The following STAG1 variants were observed in gnomAD, a reference collection of about 807,000 sequenced individuals.
STAG1 encodes the protein STAG1 cohesin complex component.
In STAG1, 26 loss-of-function variants were observed where a neutral mutation model predicts 170.9. The observed-to-expected ratio is 0.15, with a 90% CI of 0.11 to 0.21. STAG1 has a LOEUF of 0.21. STAG1 is among the 10% of genes least tolerant of loss of function. The probability of loss-of-function intolerance (pLI) is 1.00; values close to 1 mark genes in which losing one functional copy is unlikely to be tolerated. For synonymous variants in STAG1, 514 were observed against 497.7 expected (o/e 1.03, Z -0.44); for missense variants, 964 against 1,509.5 (o/e 0.64, Z 5.99).
rs529935345 is a variant in STAG1, at chr3:136,523,426, T to C, written c.472-2009A>G. On this transcript the variant is annotated intron_variant, in intron 6 of 33. Transcript: ENST00000383202. ...CTTGTTGATGGGGTTGTTTTCTTTC[T>C]TGTAAATTTGTTTGAATTCTTTGTA... 9.8e-5 allele frequency among the ~76,000 whole-genome samples: 15 copies of C among 152,326 alleles called. No individual in the cohort carries two copies. The East Asian group carries it at 1.5e-3, about 16-fold the overall frequency.
rs767401141 is a variant in STAG1, at chr3:136,418,360, C to CAA, written c.2109-390_2109-389dup. ...GGGTAACTGAGCAAGACTCTGTCTC[C>CAA]AAAAAAAAAAAAAAAAAAAAAAAAA... is the stretch of plus-strand genomic sequence containing the variant. On this transcript the variant is annotated intron_variant, in intron 20 of 33. Coordinates refer to ENST00000383202, the MANE Select transcript of STAG1 (RefSeq NM_005862.3). 1.2e-3 allele frequency among the ~76,000 whole-genome samples: 60 copies of CAA among 49,762 alleles called. 5 individuals carry two copies. Among genetic ancestry groups the CAA allele is most frequent in the East Asian group, 4.5e-3 (3 of 666 alleles). The allele number at this position is 49,762 out of a possible 152,430, so 32.6% of individuals were successfully genotyped here.
intron 9 of STAG1, among the ~76,000 whole-genome samples, 199 bp from the exon 10 acceptor site, chr3:136,477,611 C>G (rs944214257): frequency 1.3e-5 from 2 of 151,950 alleles, no homozygotes; most frequent in African/African-American, 2.4e-5. Context: ...AAAAAAAAAG[C>G]TTCTATTAAA....
intron 1 of STAG1, among the ~76,000 whole-genome samples, chr3:136,633,410 C>T (rs189262250): frequency 2.0e-5 from 3 of 152,106 alleles, no homozygotes; most frequent in Admixed American, 2.0e-4. Flanking sequence ...ACAAGAAATG[C>T]TAAAGGGAGG....
At chr3:136,735,436 A>AT (rs568707978) in intron 1 of STAG1, among the ~76,000 whole-genome samples, 77 of 140,616 alleles carry the variant, frequency 5.5e-4, no homozygotes, top group South Asian at 3.2e-3. Context: ...TTGCCTCTGC[A>AT]TTTTTTTTTT....
chr3:136,507,276 C>T (rs1933814474), intron 7 of STAG1, among the ~76,000 whole-genome samples: 1 of 152,182 alleles, frequency 6.6e-6, no homozygotes, highest in Admixed American at 6.5e-5. Context: ...ACGTAAGAAA[C>T]TGGCAACTTT....
chr3:136,484,050 T>C (rs2089947277), intron 9 of STAG1, among the ~76,000 whole-genome samples: 1 of 116,314 alleles, frequency 8.6e-6, no homozygotes, highest in South Asian at 3.4e-4. Flanking sequence ...CAGAGTAATT[T>C]GATCGTCTGA....
At chr3:136,348,601 G>T (rs1241761662) in intron 29 of STAG1, among the ~76,000 whole-genome samples, 1 of 151,826 alleles carries the variant, frequency 6.6e-6, no homozygotes, top group East Asian at 1.9e-4. Flanking sequence ...TGGGAGTCTT[G>T]CTATGTTTCC....
intron 14 of STAG1, among the ~76,000 whole-genome samples, chr3:136,446,354 T>C (rs867325853): frequency 2.6e-5 from 4 of 152,300 alleles, no homozygotes; most frequent in Middle Eastern, 3.4e-3. Context: ...ATAATCTGCA[T>C]ATAGAGTCTA....
chr3:136,498,362 TTGTTCAGAGAAAGA>T (rs2107859588), intron 9 of STAG1, among the ~76,000 whole-genome samples: 1 of 148,762 alleles, frequency 6.7e-6, no homozygotes, highest in South Asian at 2.1e-4. Context: ...AACTCTGACT[TTGTTCAGAGAAAGA>T]AGCCAGATCC....
chr3:136,446,789 G>A (rs1185730307), intron 14 of STAG1, among the ~76,000 whole-genome samples: 1 of 150,406 alleles, frequency 6.6e-6, no homozygotes, highest in African/African-American at 2.4e-5. Flanking sequence ...AATCTATACT[G>A]TACCTTAATT....
At chr3:136,634,164 T>TA (rs948207279) in intron 1 of STAG1, among the ~76,000 whole-genome samples, 1 of 149,064 alleles carries the variant, frequency 6.7e-6, no homozygotes, top group African/African-American at 2.5e-5. Context: ...TAAATAAACA[T>TA]AAAAAAAATT....
chr3:136,478,411 T>C (rs1415653615), intron 9 of STAG1, among the ~76,000 whole-genome samples: 1 of 152,224 alleles, frequency 6.6e-6, no homozygotes, highest in African/African-American at 2.4e-5. Context: ...TTAACACTTT[T>C]ATAATCTTTC....
At chr3:136,568,914 CAAAT>C in intron 4 of STAG1, 53 bp from the exon 5 acceptor site, 1 of 1,340,132 alleles carries the variant, frequency 7.5e-7, no homozygotes, top group South Asian at 1.3e-5. Flanking sequence ...GATATTATAG[CAAAT>C]AAATTTTCAA....
At chr3:136,430,164 T>A (rs2088254076) in intron 16 of STAG1, 1 of 152,242 alleles carries the variant, frequency 6.6e-6, no homozygotes, top group Non-Finnish European at 1.5e-5. Flanking sequence ...ATTCAGTATA[T>A]CTGCTGCCGA....
intron 5 of STAG1, among the ~76,000 whole-genome samples, chr3:136,563,051 A>G (rs1263066075): frequency 6.6e-6 from 1 of 152,242 alleles, no homozygotes; most frequent in Non-Finnish European, 1.5e-5. Flanking sequence ...TTCTAAGGGC[A>G]TATCAGAAAG....
intron 16 of STAG1, among the ~76,000 whole-genome samples, chr3:136,430,902 A>T (rs1576458958): frequency 6.8e-6 from 1 of 147,442 alleles, no homozygotes; most frequent in East Asian, 2.0e-4. Flanking sequence ...TCAGATTTAC[A>T]TTCTTCCTTT....
chr3:136,395,056 G>C (rs2087113353), intron 22 of STAG1, among the ~76,000 whole-genome samples: 1 of 151,924 alleles, frequency 6.6e-6, no homozygotes, highest in Admixed American at 6.6e-5. Flanking sequence ...AGGCCACAGT[G>C]AGCCGTGACA....
intron 4 of STAG1, among the ~76,000 whole-genome samples, chr3:136,596,283 C>T (rs1158565474): frequency 1.3e-5 from 2 of 152,210 alleles, no homozygotes; most frequent in African/African-American, 4.8e-5. Flanking sequence ...GAAACTACCA[C>T]AGCCACTTGA....
At chr3:136,663,709 T>C (rs1941656800) in intron 1 of STAG1, among the ~76,000 whole-genome samples, 1 of 152,076 alleles carries the variant, frequency 6.6e-6, no homozygotes, top group Non-Finnish European at 1.5e-5. Flanking sequence ...AGCATACAAA[T>C]GTACTCTTTG....
Sources: allele counts gnomAD v4.1 joint callset (sites outside exome capture counted in the v4.1 genomes callset), GRCh38; gene constraint gnomAD v4.1.1; transcripts MANE v1.5; gene names NCBI Gene and HGNC (gene_info 2026-07-23, HGNC 2026-07-21).